Variants in PCDHAC2 observed in about 807,000 individuals in gnomAD.
PCDHAC2 encodes protocadherin alpha subfamily C, 2, also known as protocadherin alpha-C2.
Under a neutral mutation model 63.3 loss-of-function variants are expected in PCDHAC2, and 24 were observed. That is an observed-to-expected ratio of 0.38 (90% CI 0.27 to 0.53). PCDHAC2 has a LOEUF of 0.53. PCDHAC2 is among the 20% of genes least tolerant of loss of function. The pLI, the probability that PCDHAC2 is intolerant of heterozygous loss-of-function variation, is 0.81. For synonymous variants in PCDHAC2, 569 were observed against 529.4 expected (o/e 1.07, Z -1.03); for missense variants, 1,181 against 1,275.2 (o/e 0.93, Z 1.12).
intron 3 of PCDHAC2, among the ~76,000 whole-genome samples, chr5:140,999,199 A>G (rs1354176825): frequency 2.0e-5 from 3 of 152,228 alleles, no homozygotes; most frequent in Non-Finnish European, 4.4e-5. Context: ...CTTGGAAAAG[A>G]GAATTTCTGG....
In PCDHAC2 at chr5:140,971,294, T is replaced by C. The variant is rs3776113; in HGVS notation, c.2565+1963T>C. Reference sequence around the variant, plus strand: ...CTGACCTGTATATTAATATGTACTTTGGTACACAAACATTTAATCTAGGGA... The same window carrying C: ...CTGACCTGTATATTAATATGTACTTCGGTACACAAACATTTAATCTAGGGA... On this transcript the variant is annotated intron_variant, in intron 1 of 3. Transcript: ENST00000289269. Among the ~76,000 whole-genome samples the C allele has an allele frequency of 6.4e-4, 97 of 152,362 alleles. No individual in the cohort carries two copies. In the East Asian group the frequency reaches 0.018, roughly 28 times the overall value.
chr5:141,005,584 C>T (rs1307831783), intron 3 of PCDHAC2, among the ~76,000 whole-genome samples: 2 of 151,062 alleles, frequency 1.3e-5, no homozygotes, highest in Non-Finnish European at 2.9e-5. Context: ...TGCCTGTAGT[C>T]CCAGCTACAC....
chr5:141,009,705 G>A lies in PCDHAC2; in HGVS notation c.2792G>A (p.Gly931Asp), dbSNP rs1554262289. Reference sequence around the variant, plus strand: ...AGCTGGACCTTTAAATACGGACCAGGCAACCCCAAACAATCCGGTCCCGGT... The same window carrying A: ...AGCTGGACCTTTAAATACGGACCAGACAACCCCAAACAATCCGGTCCCGGT... ...SNSWTFKYGPGNPKQSGPGEL... is the reference protein window; with the variant it reads ...SNSWTFKYGPDNPKQSGPGEL... Residue 931 changes from glycine (G) to aspartate (D), a missense_variant, in exon 4 of 4, where the codon GGC (glycine) becomes GAC (aspartate). Physicochemically the swap from Gly to Asp is moderately conservative, Grantham distance 94 (BLOSUM62 -1). This residue lies in a region of PCDHAC2 where 968 missense variants were observed against 1,073.5 expected (regional missense o/e 0.90). Transcript: ENST00000289269. The A allele has an allele frequency of 6.2e-7, 1 of 1,614,106 alleles. No homozygotes were observed. Among genetic ancestry groups the A allele is most frequent in the Non-Finnish European group, 8.5e-7 (1 of 1,180,026 alleles).
In PCDHAC2 at chr5:141,012,312, C is replaced by CTGT; in HGVS notation, c.*2377_*2379dup. On this transcript the variant is annotated 3_prime_UTR_variant, in exon 4 of 4. Transcript: ENST00000289269. ...TGAATTGGTGCTATTGGTATTTCCT[C>CTGT]TGTTATTGCTAATAAATGAAAATGG... The CTGT allele has an allele frequency of 6.5e-6, 1 of 153,698 alleles. No individual in the cohort carries two copies. Among genetic ancestry groups the CTGT allele is most frequent in the Middle Eastern group, 3.2e-3 (1 of 316 alleles). 9.5% of individuals were successfully genotyped at this position (153,698 alleles called of 1,614,324 possible).
chr5:140,966,984 G>C lies in PCDHAC2; in HGVS notation c.218G>C (p.Gly73Ala), dbSNP rs1217682338. ...RALGLELRRL[G>A]PGCLRINHLG... ...CTGGGGCTTGAGCTGCGGCGCTTGGGGCCGGGTTGCTTGCGCATCAACCAT... is the reference window on the plus strand; with the variant it reads ...CTGGGGCTTGAGCTGCGGCGCTTGGCGCCGGGTTGCTTGCGCATCAACCAT... The change falls in exon 1 of 4, where the codon GGG (glycine) becomes GCG (alanine). Residue 73 changes from glycine (G) to alanine (A), a missense_variant. Transcript: ENST00000289269. 21 of 1,603,802 alleles carry C rather than the reference G, an allele frequency of 1.3e-5. No homozygotes were observed. The East Asian group carries it at 4.5e-4, about 34-fold the overall frequency.
intron 3 of PCDHAC2, among the ~76,000 whole-genome samples, chr5:141,004,385 G>C (rs1388217607): frequency 6.6e-6 from 1 of 152,192 alleles, no homozygotes; most frequent in Non-Finnish European, 1.5e-5. Flanking sequence ...TGCGGAAGCT[G>C]GACATGTGGA....
At chr5:140,991,569 A>G (rs1157834136) in intron 3 of PCDHAC2, among the ~76,000 whole-genome samples, 4 of 152,188 alleles carry the variant, frequency 2.6e-5, no homozygotes, top group Admixed American at 6.5e-5. Flanking sequence ...GTTTCCAATA[A>G]CAGGCTCCTT....
At chr5:140,998,721 C>G (rs987484967) in intron 3 of PCDHAC2, among the ~76,000 whole-genome samples, 1 of 152,084 alleles carries the variant, frequency 6.6e-6, no homozygotes, top group Non-Finnish European at 1.5e-5. Context: ...TGCACCACCA[C>G]GCTAGGCTAA....
rs1281739668 is a variant in PCDHAC2, at chr5:140,966,815, C to T, written c.49C>T (p.Arg17Trp). The change falls in exon 1 of 4, where the codon CGG (arginine) becomes TGG (tryptophan). Residue 17 changes from arginine (R) to tryptophan (W), a missense_variant. Arg to Trp is a moderately radical substitution (Grantham distance 101). Transcript: ENST00000289269. Reference protein sequence around the residue: ...RPAATEHPRLRRPMPWLLLLP... With the variant: ...RPAATEHPRLWRPMPWLLLLP... The stretch of plus-strand genomic sequence containing the variant: ...TGCGGCGACAGAGCATCCACGGCTC[C>T]GGCGGCCCATGCCCTGGCTGCTGCT... 1.9e-6 allele frequency: 3 copies of T among 1,552,884 alleles called. No individual in the cohort carries two copies. The highest frequency in any genetic ancestry group is 1.7e-6 in the Non-Finnish European group (2 of 1,153,182).
At chr5:140,995,689 T>A (rs528829345) in intron 3 of PCDHAC2, among the ~76,000 whole-genome samples, 33 of 152,250 alleles carry the variant, frequency 2.2e-4, no homozygotes, top group Admixed American at 6.5e-4. Flanking sequence ...TTTTAATTGT[T>A]AAATAAAGGG....
intron 2 of PCDHAC2, among the ~76,000 whole-genome samples, chr5:140,980,460 T>G (rs1554241839): frequency 6.6e-6 from 1 of 152,134 alleles, no homozygotes; most frequent in Non-Finnish European, 1.5e-5. Flanking sequence ...TGAAACCCTG[T>G]CTCTACTAAA....
Position 140,993,289 on chromosome 5 carries a change from C to T in PCDHAC2, c.2713+10726C>T, listed in dbSNP as rs148346866. Among the ~76,000 whole-genome samples the T allele has an allele frequency of 3.6e-3, 552 of 152,140 alleles. 3 individuals are homozygous for T. The highest frequency in any genetic ancestry group is 0.01 in the Middle Eastern group (3 of 294). On this transcript the variant is annotated intron_variant, in intron 3 of 3. Coordinates refer to ENST00000289269, the MANE Select transcript of PCDHAC2 (RefSeq NM_018899.6). ...TCTTTGGTCTTTTCTTGCCCAGGGTCACAACCTTGCCTCCAGGATAATACC... is the reference window on the plus strand; with the variant it reads ...TCTTTGGTCTTTTCTTGCCCAGGGTTACAACCTTGCCTCCAGGATAATACC...
At chr5:140,973,921 C>T (rs1407436010) in intron 1 of PCDHAC2, among the ~76,000 whole-genome samples, 1 of 152,210 alleles carries the variant, frequency 6.6e-6, no homozygotes, top group Non-Finnish European at 1.5e-5. Context: ...TGTCACCAAA[C>T]CCAGAGGTTT....
At chr5:141,009,374 G>A (rs567366098) in intron 3 of PCDHAC2, among the ~76,000 whole-genome samples, 2 of 152,334 alleles carry the variant, frequency 1.3e-5, no homozygotes, top group African/African-American at 2.4e-5. Context: ...TGGGAGGATT[G>A]ATTGAGCACA....
At chr5:140,981,629 G>A (rs1342775971) in intron 2 of PCDHAC2, among the ~76,000 whole-genome samples, 1 of 151,994 alleles carries the variant, frequency 6.6e-6, no homozygotes. Flanking sequence ...GGTTTTCTTG[G>A]ACATTTTCTC....
intron 3 of PCDHAC2, among the ~76,000 whole-genome samples, chr5:141,005,681 G>A (rs970656529): frequency 2.7e-5 from 3 of 112,616 alleles, no homozygotes; most frequent in African/African-American, 3.6e-5. Flanking sequence ...CAGCCTGGGC[G>A]ACAGAGCGAA....
intron 3 of PCDHAC2, among the ~76,000 whole-genome samples, chr5:141,004,888 G>C (rs555046086): frequency 2.0e-5 from 3 of 152,132 alleles, no homozygotes; most frequent in Admixed American, 6.5e-5. Flanking sequence ...GTGCTATTGT[G>C]TCAGCTCTGC....
At chr5:140,970,775 C>T (rs2096433002) in intron 1 of PCDHAC2, among the ~76,000 whole-genome samples, 1 of 152,160 alleles carries the variant, frequency 6.6e-6, no homozygotes, top group Non-Finnish European at 1.5e-5. Context: ...GCTGTACATA[C>T]ATATTGTATG....
chr5:140,995,367 T>G (rs2153932865), intron 3 of PCDHAC2, among the ~76,000 whole-genome samples: 1 of 152,280 alleles, frequency 6.6e-6, no homozygotes, highest in East Asian at 1.9e-4. Context: ...AGAGGGATGA[T>G]TCACGTACTG....
Sources: gnomAD v4.1 joint callset for allele counts (sites outside exome capture counted in the v4.1 genomes callset) on GRCh38, gnomAD v4.1.1 for gene constraint, gnomAD v4.1.1 regional missense constraint, MANE v1.5 for transcripts, NCBI Gene and HGNC (gene_info 2026-07-23, HGNC 2026-07-21) for gene names.